The following EXPH5 variants were observed in gnomAD, a reference collection of about 807,000 sequenced individuals.
EXPH5 encodes exophilin-5.
EXPH5 carries 42 observed loss-of-function variants against 41.1 expected under a neutral mutation model. That is an observed-to-expected ratio of 1.02 (90% CI 0.80 to 1.32). The LOEUF (loss-of-function observed/expected upper bound fraction) is 1.32, where lower values mean the gene tolerates loss of function less well. Ranked by LOEUF, EXPH5 falls within the 40% of genes most tolerant of loss-of-function variation. EXPH5 has a pLI of 0.00. For missense variants in EXPH5, 2,298 were observed against 2,314.5 expected (o/e 0.99, Z 0.15); for synonymous variants, 798 against 833.5 (o/e 0.96, Z 0.73).
At chr11:108,538,141 A>G (rs1647666394) in intron 3 of EXPH5, 1 of 985,374 alleles carries the variant, frequency 1.0e-6, no homozygotes. Flanking sequence ...CAGCCTCATC[A>G]CACAACCCAC....
intron 1 of EXPH5, among the ~76,000 whole-genome samples, chr11:108,566,108 G>A (rs1027387119): frequency 6.6e-6 from 1 of 152,228 alleles, no homozygotes. Context: ...GGACATGGTT[G>A]ATAATATAAT....
intron 1 of EXPH5, among the ~76,000 whole-genome samples, chr11:108,548,951 C>T (rs1712127701): frequency 6.6e-6 from 1 of 151,676 alleles, no homozygotes; most frequent in African/African-American, 2.4e-5. Flanking sequence ...CTCAGTTTGA[C>T]AAAGATAACA....
Position 108,512,809 on chromosome 11 carries a change from C to G in EXPH5, c.2698G>C (p.Val900Leu). Residue 900 changes from valine (V) to leucine (L), a missense_variant, in exon 6 of 6, where the codon GTT becomes CTT. By Grantham distance (32) the Val-to-Leu change is conservative (BLOSUM62 1). Transcript: ENST00000265843. The part of the protein sequence containing the change: ...SKNSSLDAPV[V>L]PSTTVFSRRS... ...CTGGAGAACACTGTAGTAGATGGAA[C>G]CACAGGAGCATCAAGGGAAGAATTC... 1 of 1,614,142 alleles carries G rather than the reference C, an allele frequency of 6.2e-7. No homozygotes were observed. The highest frequency in any genetic ancestry group is 2.2e-5 in the East Asian group (1 of 44,878).
Position 108,514,235 on chromosome 11 carries a change from G to A in EXPH5, c.1272C>T (p.Tyr424=). ...RYESYHSQNV[Y]QRVSLNAPME... is the part of the protein sequence containing the mutation. ...TGGGAGCATTTAAACTAACACGTTG[G>A]TAAACATTCTGTGAATGGTACGATT... Residue 424 remains tyrosine (Y), a synonymous_variant, in exon 6 of 6, where the codon TAC becomes TAT. Coordinates refer to ENST00000265843, the MANE Select transcript of EXPH5 (RefSeq NM_015065.3). 2 of 1,614,202 alleles carry A rather than the reference G, an allele frequency of 1.2e-6. No individual in the cohort carries two copies. Among genetic ancestry groups the A allele is most frequent in the Non-Finnish European group, 1.7e-6 (2 of 1,180,042 alleles).
At chr11:108,520,554 T>TTTTATTTA (rs149638624) in intron 4 of EXPH5, among the ~76,000 whole-genome samples, 46,793 of 151,620 alleles carry the variant, frequency 0.31, 10,058 homozygotes, top group African/African-American at 0.61. Flanking sequence ...TTTATTATTG[T>TTTTATTTA]TTTATTTATT....
intron 1 of EXPH5, among the ~76,000 whole-genome samples, chr11:108,592,407 G>C (rs148380268): frequency 0.017 from 2,617 of 152,242 alleles, 34 homozygotes; most frequent in Non-Finnish European, 0.026. Flanking sequence ...ATTCTAGAAA[G>C]AATTGGGAAC....
Position 108,510,029 on chromosome 11 carries a change from A to C in EXPH5, c.5478T>G (p.Ile1826Met), listed in dbSNP as rs748279927. ...RERHFSESTS[I>M]DNALSRLTLG... ...GGGTCAGTCGACTCAGGGCATTGTC[A>C]ATAGAAGTGCTTTCAGAAAAATGGC... Residue 1826 changes from isoleucine to methionine, a missense_variant, in exon 6 of 6, where the codon ATT becomes ATG. Ile to Met is a conservative substitution (Grantham distance 10). Coordinates refer to ENST00000265843, the MANE Select transcript of EXPH5 (RefSeq NM_015065.3). The C allele has an allele frequency of 1.2e-6, 2 of 1,613,212 alleles. No individual in the cohort carries two copies. Among genetic ancestry groups the C allele is most frequent in the Non-Finnish European group, 1.7e-6 (2 of 1,179,638 alleles).
chr11:108,512,793 A>G lies in EXPH5; in HGVS notation c.2714T>C (p.Val905Ala). The change falls in exon 6 of 6, where the codon GTG becomes GCG. Residue 905 changes from valine (V) to alanine (A), a missense_variant. Physicochemically the swap from Val to Ala is moderately conservative, Grantham distance 64. Transcript: ENST00000265843. Reference sequence around the variant, plus strand: ...GTCTGAAGGACTTCTCCTGGAGAACACTGTAGTAGATGGAACCACAGGAGC... The same window carrying G: ...GTCTGAAGGACTTCTCCTGGAGAACGCTGTAGTAGATGGAACCACAGGAGC... ...LDAPVVPSTT[V>A]FSRRSPSDKD... is the part of the protein sequence containing the mutation. 6 of 1,614,086 alleles carry G rather than the reference A, an allele frequency of 3.7e-6. No individual in the cohort carries two copies. Among genetic ancestry groups the G allele is most frequent in the Non-Finnish European group, 5.1e-6 (6 of 1,179,988 alleles).
At chr11:108,530,076 T>G (rs2093827095) in intron 3 of EXPH5, among the ~76,000 whole-genome samples, 1 of 152,202 alleles carries the variant, frequency 6.6e-6, no homozygotes, top group African/African-American at 2.4e-5. Context: ...TCTTATACCC[T>G]TAAGATAACC....
chr11:108,573,071 A>G (rs1410384410), intron 1 of EXPH5, among the ~76,000 whole-genome samples: 2 of 143,798 alleles, frequency 1.4e-5, no homozygotes, highest in Non-Finnish European at 3.0e-5. Flanking sequence ...GAAAAAAATA[A>G]GAGAGAGAGA....
the EXPH5 span, among the ~76,000 whole-genome samples, chr11:108,600,810 A>G: frequency 6.6e-6 from 1 of 152,096 alleles, no homozygotes. Context: ...ACCACACACA[A>G]TTGTTTTCCT....
intron 3 of EXPH5, among the ~76,000 whole-genome samples, chr11:108,530,060 A>G (rs956051821): frequency 1.3e-5 from 2 of 152,170 alleles, no homozygotes; most frequent in African/African-American, 4.8e-5. Flanking sequence ...CTGGGAGACC[A>G]AATACTCTTA....
chr11:108,530,670 CACCAGGT>C (rs1304721265), intron 3 of EXPH5, among the ~76,000 whole-genome samples: 2 of 152,226 alleles, frequency 1.3e-5, no homozygotes, highest in Non-Finnish European at 2.9e-5. Context: ...CTCACCAGCT[CACCAGGT>C]ACCCCTTCTG....
At chr11:108,590,462 C>T (rs988138857) in intron 1 of EXPH5, among the ~76,000 whole-genome samples, 1 of 151,862 alleles carries the variant, frequency 6.6e-6, no homozygotes, top group Non-Finnish European at 1.5e-5. Context: ...AAATACTTTC[C>T]TGGTAAGTTG....
rs1195389131 is a variant in EXPH5 at position 108,512,946 on chromosome 11, G to T, written c.2561C>A (p.Thr854Asn). 6.2e-7 allele frequency: 1 copy of T among 1,613,094 alleles called. No homozygotes were observed. Among genetic ancestry groups the T allele is most frequent in the Admixed American group, 1.7e-5 (1 of 59,910 alleles). The stretch of plus-strand genomic sequence containing the variant: ...TGAGTATTGTGCATTTTGAGTATCA[G>T]TCAGTGCAGAGCTCCAGTGGTTATT... Reference protein sequence around the residue: ...ITNNHWSSALTDTQNAQYSKC... With the variant: ...ITNNHWSSALNDTQNAQYSKC... The change falls in exon 6 of 6, where the codon ACT becomes AAT. Residue 854 changes from threonine (T) to asparagine (N), a missense_variant. By Grantham distance (65) the Thr-to-Asn change is moderately conservative. Transcript: ENST00000265843.
chr11:108,591,605 G>C (rs1338719926), intron 1 of EXPH5, among the ~76,000 whole-genome samples: 1 of 152,206 alleles, frequency 6.6e-6, no homozygotes, highest in African/African-American at 2.4e-5. Context: ...TATCGATTTT[G>C]TCTTAGCATT....
rs1463434165 is a variant in EXPH5 at position 108,511,553 on chromosome 11, G to C, written c.3954C>G (p.Val1318=). 1 of 1,612,900 alleles carries C rather than the reference G, an allele frequency of 6.2e-7. No homozygotes were observed. Among genetic ancestry groups the C allele is most frequent in the African/African-American group, 1.3e-5 (1 of 74,878 alleles). Residue 1318 remains valine (V), a synonymous_variant, in exon 6 of 6, where the codon GTC becomes GTG. Coordinates refer to ENST00000265843, the MANE Select transcript of EXPH5 (RefSeq NM_015065.3). ...TPSCENLKMS[V]NSDQTLTTEN... is the part of the protein sequence containing the mutation. ...CAGTGGTGAGCGTCTGATCAGAGTT[G>C]ACGGACATCTTTAGATTTTCACATG...
chr11:108,594,584 T>C (rs1340913189), upstream of EXPH5, among the ~76,000 whole-genome samples: 1 of 152,128 alleles, frequency 6.6e-6, no homozygotes, highest in Admixed American at 6.5e-5. Context: ...TTCACATATA[T>C]ACTTTTTTTT....
Position 108,593,551 on chromosome 11 carries a change from G to T in EXPH5, c.-15C>A. ...ACTTTCGTCATTTTCTTTACTGTGT[G>T]TGAGTTACACTTAAGCTCCTTGGCG... is the stretch of plus-strand genomic sequence containing the variant. On this transcript the variant is annotated 5_prime_UTR_variant, in exon 1 of 6. Transcript: ENST00000265843. 1 of 1,614,130 alleles carries T rather than the reference G, an allele frequency of 6.2e-7. No individual in the cohort carries two copies. The highest frequency in any genetic ancestry group is 1.1e-5 in the South Asian group (1 of 91,076).
Sources: gnomAD v4.1 joint callset for allele counts (sites outside exome capture counted in the v4.1 genomes callset) on GRCh38, gnomAD v4.1.1 for gene constraint, MANE v1.5 for transcripts, NCBI Gene and HGNC (gene_info 2026-07-23, HGNC 2026-07-21) for gene names.